Variants in PCLAF observed in about 807,000 individuals in gnomAD.
The protein encoded by PCLAF is PCNA-associated factor.
A neutral mutation model predicts 15.1 loss-of-function variants in PCLAF; 12 were observed. The observed-to-expected ratio is 0.79, with a 90% CI of 0.51 to 1.29. PCLAF has a LOEUF of 1.29. Among genes scored for constraint, PCLAF ranks in the 50% most tolerant of loss-of-function variants. PCLAF has a pLI of 0.00. For synonymous variants in PCLAF, 33 were observed against 47.1 expected, an observed-to-expected ratio of 0.70 and a Z score of 1.22; for missense variants, 116 against 130.9, an observed-to-expected ratio of 0.89 and a Z score of 0.56.
chr15:64,371,816 C>T lies in PCLAF; in HGVS notation c.290+4927G>A, dbSNP rs560230275. 1.3e-3 allele frequency among the ~76,000 whole-genome samples: 194 copies of T among 152,030 alleles called. 4 individuals carry two copies. The South Asian group carries it at 0.02, about 16-fold the overall frequency. On this transcript the variant is annotated intron_variant, in intron 3 of 3. Transcript: ENST00000300035. Reference sequence around the variant, plus strand: ...TTCACCATGTTCTCCAGGATGGTTTCGAACTCCTGGCCTCTAGTGATCTGC... The same window carrying T: ...TTCACCATGTTCTCCAGGATGGTTTTGAACTCCTGGCCTCTAGTGATCTGC...
chr15:64,366,934 T>C (rs1282749652), intron 3 of PCLAF, among the ~76,000 whole-genome samples: 1 of 151,286 alleles, frequency 6.6e-6, no homozygotes, highest in East Asian at 2.0e-4. Flanking sequence ...GACTGTGCCA[T>C]TGCACTCCAG....
intron 3 of PCLAF, among the ~76,000 whole-genome samples, chr15:64,370,944 G>C (rs1295655773): frequency 8.4e-6 from 1 of 119,410 alleles, no homozygotes; most frequent in East Asian, 2.6e-4. Flanking sequence ...AACCAGATTT[G>C]TTATTTTGCT....
intron 3 of PCLAF, among the ~76,000 whole-genome samples, chr15:64,370,475 C>G (rs1427503621): frequency 6.6e-6 from 1 of 151,384 alleles, no homozygotes; most frequent in African/African-American, 2.4e-5. Flanking sequence ...TCAAGTGATT[C>G]TCCTGCCTCA....
Position 64,381,250 on chromosome 15 carries a change from C to T in PCLAF, c.46+76G>A. ...TTTGGCGCACAGGGCCCAGGGGGAC[C>T]TCTGGCGTCTGTCGCCCGTGGCCAG... On this transcript the variant is annotated intron_variant, in intron 1 of 3. Coordinates refer to ENST00000300035, the MANE Select transcript of PCLAF (RefSeq NM_014736.6). The T allele has an allele frequency of 3.2e-6, 5 of 1,550,084 alleles. No individual in the cohort carries two copies. In the Middle Eastern group the frequency reaches 5.1e-4, roughly 157 times the overall value.
chr15:64,380,520 T>C (rs981792919), intron 2 of PCLAF, among the ~76,000 whole-genome samples: 2 of 151,636 alleles, frequency 1.3e-5, no homozygotes, highest in South Asian at 2.1e-4. Flanking sequence ...TTAGGCAACA[T>C]AGTGAGACCC....
intron 3 of PCLAF, among the ~76,000 whole-genome samples, chr15:64,366,619 C>T (rs1356799649): frequency 1.3e-5 from 2 of 152,030 alleles, no homozygotes; most frequent in Non-Finnish European, 2.9e-5. Flanking sequence ...AGGAGGATTG[C>T]TTGAGCCCAA....
intron 3 of PCLAF, among the ~76,000 whole-genome samples, chr15:64,375,686 C>T (rs1278212692): frequency 6.6e-6 from 1 of 152,154 alleles, no homozygotes; most frequent in East Asian, 1.9e-4. Flanking sequence ...AGCCACCGCA[C>T]ACAGCCTGGT....
chr15:64,381,498 T>C, upstream of PCLAF: 2 of 1,575,078 alleles, frequency 1.3e-6, no homozygotes, highest in South Asian at 1.2e-5. Context: ...CGCTCCAAGG[T>C]CTCTCCCGAG....
At position 64,364,452 on chromosome 15, in the gene PCLAF, T is replaced by C. The variant is rs1259286108; in HGVS notation, c.*1578A>G. ...ACTTCTTCAATTATACCTCTGGTTA[T>C]GTTGAAAAATGTCATAGTAGCTCTT... On this transcript the variant is annotated 3_prime_UTR_variant, in exon 4 of 4. Coordinates refer to ENST00000300035, the MANE Select transcript of PCLAF (RefSeq NM_014736.6). 1 of 152,218 alleles carries C rather than the reference T, an allele frequency of 6.6e-6. No individual in the cohort carries two copies. Among genetic ancestry groups the C allele is most frequent in the East Asian group, 1.9e-4 (1 of 5,206 alleles). The allele number at this position is 152,218 out of a possible 1,614,324, so 9.4% of individuals were successfully genotyped here.
At chr15:64,374,318 G>A (rs1899496945) in intron 3 of PCLAF, among the ~76,000 whole-genome samples, 1 of 152,070 alleles carries the variant, frequency 6.6e-6, no homozygotes, top group Admixed American at 6.6e-5. Context: ...GAGGCGGGCA[G>A]ATCATGAGGT....
chr15:64,380,653 G>C (rs879280589), intron 2 of PCLAF, among the ~76,000 whole-genome samples: 6 of 152,084 alleles, frequency 3.9e-5, no homozygotes, highest in Non-Finnish European at 2.9e-5. Context: ...GTAGTGACCA[G>C]TGATTGCACC....
intron 3 of PCLAF, chr15:64,373,422 T>C (rs1025500977): frequency 2.8e-6 from 1 of 353,762 alleles, no homozygotes; most frequent in Admixed American, 4.8e-5. Context: ...CCTTGCCACA[T>C]TGAACTTCTA....
chr15:64,383,355 G>GT (rs1277338858), upstream of PCLAF, among the ~76,000 whole-genome samples: 1 of 150,462 alleles, frequency 6.6e-6, no homozygotes, highest in African/African-American at 2.4e-5. Flanking sequence ...TTGCACAGTG[G>GT]TTTTTTTGTG....
chr15:64,382,378 T>C (rs1232255555), upstream of PCLAF: 1 of 141,176 alleles, frequency 7.1e-6, no homozygotes, highest in Non-Finnish European at 1.5e-5. Flanking sequence ...AATCACACCA[T>C]GCACTCCAGC....
At chr15:64,375,286 G>C (rs773097349) in intron 3 of PCLAF, among the ~76,000 whole-genome samples, 1 of 151,850 alleles carries the variant, frequency 6.6e-6, no homozygotes, top group Non-Finnish European at 1.5e-5. Flanking sequence ...CACCACGCCC[G>C]GCTAATTTTT....
chr15:64,371,404 T>C (rs532390191), intron 3 of PCLAF, among the ~76,000 whole-genome samples: 74 of 152,250 alleles, frequency 4.9e-4, no homozygotes, highest in Admixed American at 3.5e-3. Flanking sequence ...TAGCTGGGAT[T>C]ACAGGCACTC....
intron 3 of PCLAF, among the ~76,000 whole-genome samples, chr15:64,366,829 G>A (rs551397179): frequency 1.2e-4 from 18 of 152,080 alleles, no homozygotes; most frequent in African/African-American, 1.7e-4. Context: ...AAAAATAGCC[G>A]GGCAGTGGGG....
At chr15:64,371,822 C>A (rs1267354306) in intron 3 of PCLAF, among the ~76,000 whole-genome samples, 1 of 152,032 alleles carries the variant, frequency 6.6e-6, no homozygotes, top group Admixed American at 6.6e-5. Flanking sequence ...GTTTCGAACT[C>A]CTGGCCTCTA....
chr15:64,375,101 A>G (rs1412988807), intron 3 of PCLAF, among the ~76,000 whole-genome samples: 3 of 151,840 alleles, frequency 2.0e-5, no homozygotes, highest in South Asian at 4.1e-4. Context: ...CAACTTTTCC[A>G]TATTGGTCAT....
Sources: gnomAD v4.1 joint callset for allele counts (sites outside exome capture counted in the v4.1 genomes callset) on GRCh38, gnomAD v4.1.1 for gene constraint, MANE v1.5 for transcripts, NCBI Gene and HGNC (gene_info 2026-07-23, HGNC 2026-07-21) for gene names.